RMDN1: variants seen among roughly 807,000 people sequenced by gnomAD.
RMDN1 encodes regulator of microtubule dynamics 1.
RMDN1 carries 48 observed loss-of-function variants against 48.9 expected under a neutral mutation model. The observed-to-expected ratio is 0.98, with a 90% CI of 0.78 to 1.25. The LOEUF is 1.25. Ranked by LOEUF, RMDN1 falls within the 50% of genes most tolerant of loss-of-function variation. RMDN1 has a pLI of 0.00. For missense variants in RMDN1, 418 were observed against 373.4 expected (o/e 1.12, Z -0.98); for synonymous variants, 148 against 132.6 (o/e 1.12, Z -0.80).
rs1460786236 is a variant in RMDN1, at chr8:86,473,280, C to T, written c.*1028G>A. 1 of 985,230 alleles carries T rather than the reference C, an allele frequency of 1.0e-6. No homozygotes were observed. The highest frequency in any genetic ancestry group is 1.2e-6 in the Non-Finnish European group (1 of 829,912). 61.0% of individuals were successfully genotyped at this position (985,230 alleles called of 1,614,324 possible). Reference sequence around the variant, plus strand: ...TCTTTATCTAAGTGGATTCAAGATGCTCCTTTTTACAAAACTTAAAAAGAT... The same window carrying T: ...TCTTTATCTAAGTGGATTCAAGATGTTCCTTTTTACAAAACTTAAAAAGAT... On this transcript the variant is annotated 3_prime_UTR_variant, in exon 10 of 10. Coordinates refer to ENST00000406452, the MANE Select transcript of RMDN1 (RefSeq NM_016033.3).
intron 2 of RMDN1, among the ~76,000 whole-genome samples, chr8:86,497,155 G>A (rs2131081019): frequency 6.6e-6 from 1 of 152,312 alleles, no homozygotes; most frequent in South Asian, 2.1e-4. Flanking sequence ...TAAGAGGAAA[G>A]TTTATGGTGC....
In RMDN1 at chr8:86,473,185, T is replaced by A; in HGVS notation, c.*1123A>T. The A allele has an allele frequency of 1.0e-6, 1 of 984,782 alleles. No individual in the cohort carries two copies. The highest frequency in any genetic ancestry group is 1.2e-6 in the Non-Finnish European group (1 of 829,724). 61.0% of individuals were successfully genotyped at this position (984,782 alleles called of 1,614,324 possible). ...TTTGAAAATGTACATGACAAACATA[T>A]CCATACAGTTCATTGTAACATTACA... is the stretch of plus-strand genomic sequence containing the variant. On this transcript the variant is annotated 3_prime_UTR_variant, in exon 10 of 10. Coordinates refer to ENST00000406452, the MANE Select transcript of RMDN1 (RefSeq NM_016033.3).
chr8:86,482,263 G>A (rs1814621704), intron 5 of RMDN1: 1 of 316,444 alleles, frequency 3.2e-6, no homozygotes, highest in African/African-American at 2.2e-5. Context: ...TTAGCCAGGT[G>A]TGGCAGTGGG....
intron 2 of RMDN1, among the ~76,000 whole-genome samples, chr8:86,496,571 G>A (rs897073157): frequency 6.6e-6 from 1 of 152,044 alleles, no homozygotes; most frequent in African/African-American, 2.4e-5. Context: ...AGGATAAAGA[G>A]TTCAATTAAA....
upstream of RMDN1, chr8:86,508,775 T>C (rs2131387197): frequency 9.7e-7 from 1 of 1,031,072 alleles, no homozygotes; most frequent in Non-Finnish European, 1.2e-6. Context: ...TCCGCCCCCA[T>C]GGTTTCCGGT....
intron 2 of RMDN1, 124 bp from the exon 3 acceptor site, chr8:86,488,763 T>G: frequency 1.9e-6 from 1 of 521,744 alleles, no homozygotes; most frequent in South Asian, 4.0e-5. Context: ...AGAAATGACC[T>G]ACAATGAAAC....
At chr8:86,498,254 G>C (rs1311421005) in intron 2 of RMDN1, among the ~76,000 whole-genome samples, 1 of 134,912 alleles carries the variant, frequency 7.4e-6, no homozygotes, top group Non-Finnish European at 1.6e-5. Flanking sequence ...AATTGAATCA[G>C]TAGTAAAAAA....
upstream of RMDN1, among the ~76,000 whole-genome samples, chr8:86,510,519 C>T (rs1347322611): frequency 6.6e-6 from 1 of 152,140 alleles, no homozygotes; most frequent in East Asian, 1.9e-4. Context: ...CAGGGTTTCT[C>T]AGCCTTGGCA....
chr8:86,508,043 A>G (rs1409359644), intron 1 of RMDN1: 3 of 155,846 alleles, frequency 1.9e-5, no homozygotes, highest in Non-Finnish European at 4.2e-5. Context: ...CTGAGAAATA[A>G]ACATTTTTAA....
upstream of RMDN1, among the ~76,000 whole-genome samples, chr8:86,513,287 A>C (rs1820143046): frequency 6.6e-6 from 1 of 152,218 alleles, no homozygotes; most frequent in African/African-American, 2.4e-5. Flanking sequence ...AGGCAGGAGA[A>C]TCGCTTGAAC....
rs548525147 is a variant in RMDN1, at chr8:86,497,850, C to G, written c.247+9145G>C. Among the ~76,000 whole-genome samples, 3 of 152,138 alleles carry G rather than the reference C, an allele frequency of 2.0e-5. No homozygotes were observed. The South Asian group carries it at 6.2e-4, about 32-fold the overall frequency. ...GTGGCTCATGCCTGTAATCCCAGCA[C>G]TTTGGGAGGCTGAGGCAGGCAGATC... is the stretch of plus-strand genomic sequence containing the variant. On this transcript the variant is annotated intron_variant, in intron 2 of 9. Coordinates refer to ENST00000406452, the MANE Select transcript of RMDN1 (RefSeq NM_016033.3).
At chr8:86,502,007 A>G (rs553312341) in intron 2 of RMDN1, among the ~76,000 whole-genome samples, 1 of 152,236 alleles carries the variant, frequency 6.6e-6, no homozygotes, top group Admixed American at 6.5e-5. Context: ...AAATCAATAG[A>G]TAACTAGCAA....
intron 2 of RMDN1, among the ~76,000 whole-genome samples, chr8:86,488,857 G>A (rs1815964178): frequency 6.6e-6 from 1 of 152,076 alleles, no homozygotes. Context: ...TGAAATCATG[G>A]GAAATAAAAA....
At chr8:86,493,405 C>T (rs959895321) in intron 2 of RMDN1, among the ~76,000 whole-genome samples, 7 of 152,060 alleles carry the variant, frequency 4.6e-5, no homozygotes, top group Non-Finnish European at 7.4e-5. Context: ...ACAATAGCCA[C>T]GCCTTAGGAA....
At position 86,474,220 on chromosome 8, in the gene RMDN1, A is replaced by G. The variant is rs1269172385; in HGVS notation, c.*88T>C. 6.4e-7 allele frequency: 1 copy of G among 1,569,042 alleles called. No homozygotes were observed. Among genetic ancestry groups the G allele is most frequent in the African/African-American group, 1.4e-5 (1 of 72,850 alleles). On this transcript the variant is annotated 3_prime_UTR_variant, in exon 10 of 10. Transcript: ENST00000406452. ...ATGGTCACAACATTTAAAAAGCCGT[A>G]GAACAGTTATAGTTCATATATTAAG... is the stretch of plus-strand genomic sequence containing the variant.
intron 5 of RMDN1, among the ~76,000 whole-genome samples, chr8:86,484,435 C>T (rs998301279): frequency 1.3e-5 from 2 of 152,044 alleles, no homozygotes; most frequent in South Asian, 4.1e-4. Context: ...AACAAACTGT[C>T]GGCTGGGCAC....
At chr8:86,504,347 T>TCACC in intron 2 of RMDN1, 1 of 1,578,358 alleles carries the variant, frequency 6.3e-7, no homozygotes, top group South Asian at 1.1e-5. Flanking sequence ...GAAAAGCAAG[T>TCACC]CACCGTGCTG....
intron 8 of RMDN1, among the ~76,000 whole-genome samples, 194 bp downstream of exon 8, chr8:86,477,100 C>CT (rs751515470): frequency 2.0e-5 from 3 of 151,802 alleles, no homozygotes; most frequent in East Asian, 1.9e-4. Flanking sequence ...AACTGCAGCT[C>CT]TAAGTTCAAT....
At chr8:86,477,891 A>T (rs893459190) in intron 7 of RMDN1, among the ~76,000 whole-genome samples, 2 of 138,634 alleles carry the variant, frequency 1.4e-5, no homozygotes, top group African/African-American at 5.2e-5. Flanking sequence ...GACCTGTCTT[A>T]AAAAAAAAAA....
Sources: allele counts gnomAD v4.1 joint callset (sites outside exome capture counted in the v4.1 genomes callset), GRCh38; gene constraint gnomAD v4.1.1; transcripts MANE v1.5; gene names NCBI Gene and HGNC (gene_info 2026-07-23, HGNC 2026-07-21).